The following SFXN1 variants were observed in gnomAD, a reference collection of about 807,000 sequenced individuals.
SFXN1 encodes the protein sideroflexin 1, also known as sideroflexin-1.
A neutral mutation model predicts 39.5 loss-of-function variants in SFXN1; 32 were observed. That is an observed-to-expected ratio of 0.81 (90% CI 0.61 to 1.09). SFXN1 has a LOEUF of 1.09. Ranked by LOEUF, SFXN1 falls within the 50% of genes least tolerant of loss-of-function variation. The pLI, the probability that SFXN1 is intolerant of heterozygous loss-of-function variation, is 0.00. For missense variants in SFXN1, 402 were observed against 407.1 expected (o/e 0.99, Z 0.11); for synonymous variants, 136 against 146.5 (o/e 0.93, Z 0.52).
chr5:175,503,188 A>G lies in SFXN1; in HGVS notation c.165-5844A>G, dbSNP rs1011500529. On this transcript the variant is annotated intron_variant, in intron 2 of 10. Transcript: ENST00000321442. ...AGTATATTTTTTCAAAACTTAGCAA[A>G]TTGGACACTTAAAGTGGATGACTTT... Among the ~76,000 whole-genome samples the G allele has an allele frequency of 4.6e-5, 7 of 152,304 alleles. 1 individual carries two copies. The South Asian group carries it at 1.5e-3, about 32-fold the overall frequency.
chr5:175,517,952 G>A (rs974969175), intron 8 of SFXN1, among the ~76,000 whole-genome samples: 7 of 152,044 alleles, frequency 4.6e-5, no homozygotes, highest in South Asian at 4.2e-4. Flanking sequence ...AGACTCCTCC[G>A]CAAACATGAA....
In SFXN1 at chr5:175,511,438, T is replaced by C; in HGVS notation, c.435-13T>C. 1 of 1,613,102 alleles carries C rather than the reference T, an allele frequency of 6.2e-7. No individual in the cohort carries two copies. The highest frequency in any genetic ancestry group is 8.5e-7 in the Non-Finnish European group (1 of 1,179,186). ...GCCCTCGTCGTCCACACGATATCCT[T>C]TTTTCTTTTCAGTGAGTTGGGAACA... On this transcript the variant is annotated splice_polypyrimidine_tract_variant and intron_variant, in intron 4 of 10. Coordinates refer to ENST00000321442, the MANE Select transcript of SFXN1 (RefSeq NM_022754.7).
intron 7 of SFXN1, 122 bp from the exon 8 acceptor site, chr5:175,516,492 T>C (rs1452369831): frequency 5.2e-6 from 4 of 773,560 alleles, no homozygotes; most frequent in Non-Finnish European, 8.6e-6. Flanking sequence ...ACAAACTGTT[T>C]TTACTGTGAC....
At chr5:175,513,663 C>CA in intron 7 of SFXN1, 73 bp downstream of exon 7, 1 of 1,520,156 alleles carries the variant, frequency 6.6e-7, no homozygotes, top group Admixed American at 1.7e-5. Context: ...AACCAGAAAA[C>CA]AAACACATAT....
chr5:175,518,520 G>A (rs1331003392), intron 8 of SFXN1, among the ~76,000 whole-genome samples: 1 of 152,178 alleles, frequency 6.6e-6, no homozygotes, highest in Non-Finnish European at 1.5e-5. Context: ...AAGACACATT[G>A]TTAAAATACG....
intron 2 of SFXN1, among the ~76,000 whole-genome samples, chr5:175,496,855 G>A (rs1488526899): frequency 6.6e-6 from 1 of 151,426 alleles, no homozygotes; most frequent in South Asian, 2.1e-4. Flanking sequence ...TTCCAAATTA[G>A]CTTTGGGGTA....
intron 1 of SFXN1, among the ~76,000 whole-genome samples, chr5:175,483,082 A>T (rs1033470617): frequency 6.6e-6 from 1 of 152,234 alleles, no homozygotes; most frequent in Non-Finnish European, 1.5e-5. Context: ...CCATGAAACT[A>T]TATTTACTCA....
chr5:175,479,969 G>T (rs1467308297), intron 1 of SFXN1, among the ~76,000 whole-genome samples: 1 of 152,160 alleles, frequency 6.6e-6, no homozygotes, highest in Non-Finnish European at 1.5e-5. Flanking sequence ...AGGCTTTGCA[G>T]CTCCTACAGC....
intron 2 of SFXN1, among the ~76,000 whole-genome samples, chr5:175,502,047 C>T (rs954562073): frequency 2.6e-5 from 4 of 152,152 alleles, no homozygotes; most frequent in African/African-American, 7.2e-5. Flanking sequence ...TAGATGGACT[C>T]ATAGAGGGTT....
At chr5:175,482,236 A>G (rs1167147604) in intron 1 of SFXN1, among the ~76,000 whole-genome samples, 1 of 152,230 alleles carries the variant, frequency 6.6e-6, no homozygotes, top group South Asian at 2.1e-4. Flanking sequence ...CAAACTGGGC[A>G]ATCAGACCCT....
At chr5:175,507,333 A>G (rs2102140) in intron 2 of SFXN1, among the ~76,000 whole-genome samples, 37,729 of 152,050 alleles carry the variant, frequency 0.25, 6,459 homozygotes, top group African/African-American at 0.48. Flanking sequence ...GTTGCAGGTG[A>G]GACATGAATT....
intron 2 of SFXN1, among the ~76,000 whole-genome samples, chr5:175,495,049 A>G (rs1759806980): frequency 1.3e-5 from 2 of 152,254 alleles, no homozygotes; most frequent in African/African-American, 4.8e-5. Context: ...GGTGTCCGTC[A>G]GCAGATGAGT....
At chr5:175,518,507 C>T (rs1170724995) in intron 8 of SFXN1, among the ~76,000 whole-genome samples, 5 of 152,240 alleles carry the variant, frequency 3.3e-5, no homozygotes, top group South Asian at 2.1e-4. Flanking sequence ...GGGGAAGAGG[C>T]GCAAGACACA....
intron 5 of SFXN1, 95 bp downstream of exon 5, chr5:175,511,621 CATATGGCTTTCTTGTT>C: frequency 1.0e-6 from 1 of 957,390 alleles, no homozygotes; most frequent in East Asian, 2.4e-5. Context: ...TAGTTCAAGT[CATATGGCTTTCTTGTT>C]ATAGTGCTTA....
chr5:175,511,469 C>T lies in SFXN1; in HGVS notation c.453C>T (p.Tyr151=), dbSNP rs184377169. ...PLTVNELGTA[Y]VSATTGAVAT... ...TTTTCAGTGAGTTGGGAACAGCTTA[C>T]GTTTCTGCAACAACTGGTGCCGTAG... is the stretch of plus-strand genomic sequence containing the variant. The change falls in exon 5 of 11, where the codon TAC becomes TAT. Residue 151 remains tyrosine (Y), a synonymous_variant. Coordinates refer to ENST00000321442, the MANE Select transcript of SFXN1 (RefSeq NM_022754.7). 2.8e-5 allele frequency: 46 copies of T among 1,614,138 alleles called. 1 individual carries two copies. Among genetic ancestry groups the T allele is most frequent in the Admixed American group, 2.8e-4 (17 of 60,026 alleles).
In SFXN1 at chr5:175,492,444, G is replaced by A. The variant is rs772568205; in HGVS notation, c.164+177G>A. ...AGACCTGTTATATCCCCCATTGCTC[G>A]CCCTTAACACAGATATCTAGGGTTC... On this transcript the variant is annotated intron_variant, in intron 2 of 10. Transcript: ENST00000321442. 3.7e-5 allele frequency: 21 copies of A among 568,454 alleles called. No individual in the cohort carries two copies. The South Asian group carries it at 4.3e-4, about 12-fold the overall frequency. 35.2% of individuals were successfully genotyped at this position (568,454 alleles called of 1,614,324 possible). A position where few individuals can be genotyped will look rare whatever the true frequency, so the allele number is the denominator to read the frequency against.
chr5:175,487,118 G>C (rs1371145298), intron 1 of SFXN1, among the ~76,000 whole-genome samples: 2 of 152,188 alleles, frequency 1.3e-5, no homozygotes, highest in Non-Finnish European at 1.5e-5. Flanking sequence ...GAAGGAAATG[G>C]CTCACGGCCT....
intron 8 of SFXN1, among the ~76,000 whole-genome samples, chr5:175,519,864 C>CTTTTTTTTTTTTTT (rs369561037): frequency 2.6e-5 from 2 of 77,282 alleles, no homozygotes; most frequent in African/African-American, 5.4e-5. Context: ...GGGTTTTTTG[C>CTTTTTTTTTTTTTT]TTTTTTTTTT....
chr5:175,480,439 T>A (rs1372273103), intron 1 of SFXN1, among the ~76,000 whole-genome samples: 1 of 151,980 alleles, frequency 6.6e-6, no homozygotes, highest in Non-Finnish European at 1.5e-5. Context: ...GGAGGAGCTA[T>A]CAGCTCCCAT....
Sources: gnomAD v4.1 joint callset for allele counts (sites outside exome capture counted in the v4.1 genomes callset) on GRCh38, gnomAD v4.1.1 for gene constraint, MANE v1.5 for transcripts, NCBI Gene and HGNC (gene_info 2026-07-23, HGNC 2026-07-21) for gene names.